AACS: variants seen among roughly 807,000 people sequenced by gnomAD.
AACS encodes acetoacetate-CoA ligase.
AACS carries 69 observed loss-of-function variants against 83.1 expected under a neutral mutation model. The ratio of observed to expected loss-of-function variants is 0.83; its 90% confidence interval spans 0.68 to 1.01. The LOEUF is 1.01. Ranked by LOEUF, AACS falls within the 50% of genes least tolerant of loss-of-function variation. The pLI is 0.00. For synonymous variants in AACS, 333 were observed against 343.4 expected, an observed-to-expected ratio of 0.97 and a Z score of 0.33; for missense variants, 866 against 882.2, an observed-to-expected ratio of 0.98 and a Z score of 0.23.
At chr12:125,127,967 G>C (rs1957272167) in intron 12 of AACS, 194 bp from the exon 13 acceptor site, 1 of 431,166 alleles carries the variant, frequency 2.3e-6, no homozygotes, top group African/African-American at 2.0e-5. Flanking sequence ...CAGATGTGGG[G>C]GGTTCATTCT....
In AACS at chr12:125,142,169, T is replaced by C. The variant is rs1253780779; in HGVS notation, c.1959T>C (p.Ala653=). The change falls in exon 18 of 18, where the codon GCT becomes GCC. Residue 653 remains alanine (A), a synonymous_variant. Coordinates refer to ENST00000316519, the MANE Select transcript of AACS (RefSeq NM_023928.5). Reference sequence around the variant, plus strand: ...GAAAAGCCGTGGAGCAAGGAGGTGCTTTCTCGAACCCCGAGACCCTGGATC... The same window carrying C: ...GAAAAGCCGTGGAGCAAGGAGGTGCCTTCTCGAACCCCGAGACCCTGGATC... The part of the protein sequence containing the change: ...IAGKAVEQGG[A]FSNPETLDLY... The C allele has an allele frequency of 6.2e-7, 1 of 1,614,210 alleles. No homozygotes were observed. The highest frequency in any genetic ancestry group is 8.5e-7 in the Non-Finnish European group (1 of 1,180,036).
chr12:125,114,905 C>T (rs1357116573), intron 9 of AACS, among the ~76,000 whole-genome samples: 2 of 150,248 alleles, frequency 1.3e-5, no homozygotes, highest in Admixed American at 6.6e-5. Context: ...CTTCCCCGGG[C>T]GCTGGCCCGT....
intron 8 of AACS, chr12:125,114,273 C>T (rs1263975661): frequency 5.7e-5 from 26 of 454,606 alleles, no homozygotes; most frequent in Non-Finnish European, 1.0e-4. Flanking sequence ...CCACGCTCAG[C>T]TCTTGGGGGA....
chr12:125,097,036 C>T lies in AACS; in HGVS notation c.570+5513C>T, dbSNP rs537181156. 2.6e-5 allele frequency among the ~76,000 whole-genome samples: 4 copies of T among 152,176 alleles called. No homozygotes were observed. The South Asian group carries it at 6.2e-4, about 24-fold the overall frequency. On this transcript the variant is annotated intron_variant, in intron 5 of 17. Transcript: ENST00000316519. This position sits in a 1 kb window ranked among gnomAD's most constrained non-coding sequence, Gnocchi z 4.3. ...CCAGGAAGGGCCATTTCTGGGCATT[C>T]TGTTCTTCTGATGGATTTGGGCAGG... is the stretch of plus-strand genomic sequence containing the variant.
intron 14 of AACS, among the ~76,000 whole-genome samples, chr12:125,131,849 G>A (rs1487689401): frequency 6.6e-6 from 1 of 151,944 alleles, no homozygotes; most frequent in Non-Finnish European, 1.5e-5. Context: ...CACCCACCTC[G>A]GCCTCCCAAA....
chr12:125,112,232 C>T (rs1222858109), intron 8 of AACS, among the ~76,000 whole-genome samples: 2 of 152,054 alleles, frequency 1.3e-5, no homozygotes, highest in African/African-American at 4.8e-5. Flanking sequence ...CTTTTGAGTG[C>T]CTGGGGAAGG....
intron 5 of AACS, among the ~76,000 whole-genome samples, chr12:125,093,141 G>C (rs1347743335): frequency 6.6e-6 from 1 of 152,234 alleles, no homozygotes; most frequent in Non-Finnish European, 1.5e-5. Flanking sequence ...TGAACTAGTC[G>C]GGAGATGGGT....
intron 8 of AACS, 78 bp from the exon 9 acceptor site, chr12:125,114,399 A>G: frequency 8.4e-7 from 1 of 1,187,052 alleles, no homozygotes; most frequent in South Asian, 1.3e-5. Flanking sequence ...GCGTCTGAGC[A>G]GCGCGTGGGC....
At position 125,140,295 on chromosome 12, in the gene AACS, CT is replaced by C. The variant is rs889850525; in HGVS notation, c.1882-1794del. ...TGGGCAGGGGGGCGGTGGCTTCTTC[CT>C]TTCTCTTTCCCTTTCCTCTACCTTT... On this transcript the variant is annotated intron_variant, in intron 17 of 17. Transcript: ENST00000316519. This position sits in a 1 kb window ranked among gnomAD's most constrained non-coding sequence, Gnocchi z 5.1. 6.6e-6 allele frequency: 1 copy of C among 152,238 alleles called. No homozygotes were observed. Among genetic ancestry groups the C allele is most frequent in the Non-Finnish European group, 1.5e-5 (1 of 68,114 alleles). 9.4% of individuals were successfully genotyped at this position (152,238 alleles called of 1,614,324 possible). A position where few individuals can be genotyped will look rare whatever the true frequency, so the allele number is the denominator to read the frequency against.
chr12:125,120,964 G>A (rs940341905), intron 10 of AACS: 2 of 152,366 alleles, frequency 1.3e-5, no homozygotes, highest in Admixed American at 1.3e-4. Flanking sequence ...TGCTGTACAT[G>A]TGGATGCATG....
chr12:125,104,141 G>C (rs1956783395), intron 7 of AACS, among the ~76,000 whole-genome samples: 1 of 152,094 alleles, frequency 6.6e-6, no homozygotes, highest in African/African-American at 2.4e-5. Context: ...AACAGTTGTG[G>C]GGAGAGGGTT....
intron 5 of AACS, among the ~76,000 whole-genome samples, chr12:125,098,931 C>T (rs1361198388): frequency 6.6e-6 from 1 of 152,146 alleles, no homozygotes; most frequent in Non-Finnish European, 1.5e-5. Flanking sequence ...CTAGTTCCCA[C>T]CCCGGGACGT....
chr12:125,128,203 CTCT>C lies in AACS; in HGVS notation c.1355_1357del (p.Leu452del). 6.2e-7 allele frequency: 1 copy of C among 1,612,946 alleles called. No homozygotes were observed. Among genetic ancestry groups the C allele is most frequent in the Non-Finnish European group, 8.5e-7 (1 of 1,179,132 alleles). On this transcript the variant is annotated inframe_deletion, in exon 13 of 18. Coordinates refer to ENST00000316519, the MANE Select transcript of AACS (RefSeq NM_023928.5). The stretch of plus-strand genomic sequence containing the variant: ...TCCTGCTTCATGGGCCACAATTTTT[CTCT>C]TCCTGTGTATAAAGGGGAGATTCAG...
rs997297861 is a variant in AACS at position 125,110,221 on chromosome 12, G to A, written c.915+2953G>A. Among the ~76,000 whole-genome samples the A allele has an allele frequency of 1.9e-4, 29 of 149,556 alleles. 1 individual carries two copies. The highest frequency in any genetic ancestry group is 6.1e-4 in the African/African-American group (25 of 40,694). Reference sequence around the variant, plus strand: ...TGTGTGTGTGTGTGTGTGTGTGTGTGTGTGTGTGTGTGTGTGTGTGTGTGT... The same window carrying A: ...TGTGTGTGTGTGTGTGTGTGTGTGTATGTGTGTGTGTGTGTGTGTGTGTGT... On this transcript the variant is annotated intron_variant, in intron 8 of 17. Transcript: ENST00000316519.
chr12:125,114,621 C>T, intron 9 of AACS, 64 bp downstream of exon 9: 1 of 1,441,898 alleles, frequency 6.9e-7, no homozygotes, highest in Non-Finnish European at 9.5e-7. Context: ...GGGTGCCAGC[C>T]CATGACACAT....
chr12:125,129,293 C>T lies in AACS; in HGVS notation c.1424-42C>T. 1 of 1,583,614 alleles carries T rather than the reference C, an allele frequency of 6.3e-7. No individual in the cohort carries two copies. The highest frequency in any genetic ancestry group is 1.2e-5 in the South Asian group (1 of 86,598). ...AGAGAGAGACAGCCAGGGTGTGTGG[C>T]TGTGGTGTGTGTTGGGCTTATTTTT... On this transcript the variant is annotated intron_variant, in intron 13 of 17. Coordinates refer to ENST00000316519, the MANE Select transcript of AACS (RefSeq NM_023928.5). The surrounding 1 kb of genome is among the most constrained non-coding windows in gnomAD (Gnocchi z 4.3).
intron 1 of AACS, among the ~76,000 whole-genome samples, chr12:125,068,025 T>C (rs1300807321): frequency 6.6e-6 from 1 of 152,142 alleles, no homozygotes; most frequent in Non-Finnish European, 1.5e-5. Context: ...CCTGGGGTTG[T>C]GGAGTAAACA....
At chr12:125,077,467 G>A (rs1023710820) in intron 3 of AACS, among the ~76,000 whole-genome samples, 2 of 148,202 alleles carry the variant, frequency 1.3e-5, no homozygotes, top group Non-Finnish European at 1.5e-5. Flanking sequence ...CTGAGATTGC[G>A]CCACTGCACT....
At chr12:125,120,309 T>A (rs1957131952) in intron 10 of AACS, 1 of 152,150 alleles carries the variant, frequency 6.6e-6, no homozygotes. Flanking sequence ...GATAAGAATA[T>A]AGAAGTTGCC....
Sources: gnomAD v4.1 joint callset for allele counts (sites outside exome capture counted in the v4.1 genomes callset) on GRCh38, gnomAD v4.1.1 for gene constraint, Gnocchi (gnomAD v3.1) non-coding constraint, MANE v1.5 for transcripts, NCBI Gene and HGNC (gene_info 2026-07-23, HGNC 2026-07-21) for gene names.